Variants in IQSEC1 observed in about 807,000 individuals in gnomAD.
The protein encoded by IQSEC1 is IQ motif and Sec7 domain ArfGEF 1.
Under a neutral mutation model 91.0 loss-of-function variants are expected in IQSEC1, and 31 were observed. That is an observed-to-expected ratio of 0.34 (90% confidence interval 0.26 to 0.46). The LOEUF is 0.46. IQSEC1 is among the 20% of genes least tolerant of loss of function. The pLI is 1.00. For missense variants in IQSEC1, 1,388 were observed against 1,575.6 expected, an observed-to-expected ratio of 0.88 and a Z score of 2.02; for synonymous variants, 699 against 662.6, an observed-to-expected ratio of 1.05 and a Z score of -0.84.
rs775874846 is a variant in IQSEC1, at chr3:12,920,357, C to T, written c.2020+73G>A. On this transcript the variant is annotated intron_variant, in intron 6 of 13. Transcript: ENST00000613206. ...ACTGGAGGTTGCCTCACGCCCCTTA[C>T]ATCTGGGGAGGGCCTGGCTGGGGCA... is the stretch of plus-strand genomic sequence containing the variant. 29 of 1,521,800 alleles carry T rather than the reference C, an allele frequency of 1.9e-5. No homozygotes were observed. In the Middle Eastern group the frequency reaches 1.2e-3, roughly 63 times the overall value. The allele number at this position is 1,521,800 out of a possible 1,614,324, so 94.3% of individuals were successfully genotyped here.
chr3:12,931,141 G>A (rs1181642665), intron 3 of IQSEC1, among the ~76,000 whole-genome samples: 2 of 152,074 alleles, frequency 1.3e-5, no homozygotes, highest in South Asian at 4.1e-4. Flanking sequence ...CCCCCTGCAG[G>A]GCTTCCCTTG....
At chr3:13,170,962 T>C (rs192962276) in intron 1 of IQSEC1, among the ~76,000 whole-genome samples, 1 of 152,170 alleles carries the variant, frequency 6.6e-6, no homozygotes, top group African/African-American at 2.4e-5. Context: ...TAGCCGGGCA[T>C]GATGGTGAGT....
In IQSEC1 at chr3:12,897,972, A is replaced by G. The variant is rs903459064; in HGVS notation, c.*3011T>C. 3 of 152,264 alleles carry G rather than the reference A, an allele frequency of 2.0e-5. No homozygotes were observed. The highest frequency in any genetic ancestry group is 7.2e-5 in the African/African-American group (3 of 41,474). 9.4% of individuals were successfully genotyped at this position (152,264 alleles called of 1,614,324 possible). Reference sequence around the variant, plus strand: ...TACATGATTTGATTGTTGTCCCAGAAAAGACTTTTGTCACATTGCCAGCTG... The same window carrying G: ...TACATGATTTGATTGTTGTCCCAGAGAAGACTTTTGTCACATTGCCAGCTG... On this transcript the variant is annotated 3_prime_UTR_variant, in exon 14 of 14. Coordinates refer to ENST00000613206, the MANE Select transcript of IQSEC1 (RefSeq NM_001134382.3).
chr3:13,130,013 T>C (rs1022632874), intron 2 of IQSEC1, among the ~76,000 whole-genome samples: 55 of 151,884 alleles, frequency 3.6e-4, no homozygotes, highest in African/African-American at 1.2e-3. Flanking sequence ...TTCAGAAGAC[T>C]TTCTTTTGAT....
chr3:13,045,172 G>C (rs1257135751), intron 1 of IQSEC1, among the ~76,000 whole-genome samples: 1 of 152,192 alleles, frequency 6.6e-6, no homozygotes, highest in Non-Finnish European at 1.5e-5. Flanking sequence ...CAGACTGTTG[G>C]GATGCTCCTC....
chr3:13,172,133 T>C (rs1693628309), intron 1 of IQSEC1, among the ~76,000 whole-genome samples: 1 of 152,220 alleles, frequency 6.6e-6, no homozygotes, highest in Non-Finnish European at 1.5e-5. Flanking sequence ...TTAGCTTTCC[T>C]GTCCAAATAG....
At chr3:13,073,555 G>T (rs1000828361), upstream of IQSEC1, among the ~76,000 whole-genome samples, 8 of 151,586 alleles carry the variant, frequency 5.3e-5, no homozygotes, top group African/African-American at 2.0e-4. Context: ...AGGCGCGGCC[G>T]CTCGGCTGCG....
chr3:13,241,279 G>C (rs941931019), intron 1 of IQSEC1, among the ~76,000 whole-genome samples: 1 of 152,208 alleles, frequency 6.6e-6, no homozygotes, highest in Non-Finnish European at 1.5e-5. Flanking sequence ...ACACAAGCAG[G>C]CGAAAGCAGC....
chr3:12,907,956 G>A (rs369949848), intron 12 of IQSEC1, among the ~76,000 whole-genome samples: 3 of 152,136 alleles, frequency 2.0e-5, no homozygotes, highest in Non-Finnish European at 4.4e-5. Context: ...AGAGGGTTCC[G>A]CGCAAGTTCA....
rs753199634 is a variant in IQSEC1 at position 13,227,375 on chromosome 3, C to CAA, written c.272+55334_272+55335dup. On this transcript the variant is annotated intron_variant, in intron 1 of 15. Transcript: ENST00000648114. Reference sequence around the variant, plus strand: ...TGGGCGACAAAGCGGGACTCTGTCTCAAAAAAAAAAAAAAAAAAAAAGAAA... The same window carrying CAA: ...TGGGCGACAAAGCGGGACTCTGTCTCAAAAAAAAAAAAAAAAAAAAAAAGAAA... Among the ~76,000 whole-genome samples the CAA allele has an allele frequency of 9.7e-3, 680 of 69,794 alleles. 22 individuals are homozygous for CAA. The highest frequency in any genetic ancestry group is 0.018 in the African/African-American group (275 of 15,554). The allele number at this position is 69,794 out of a possible 152,430, so 45.8% of individuals were successfully genotyped here.
At chr3:13,124,455 G>C (rs1706477764) in intron 2 of IQSEC1, among the ~76,000 whole-genome samples, 1 of 152,188 alleles carries the variant, frequency 6.6e-6, no homozygotes, top group Non-Finnish European at 1.5e-5. Context: ...GCTCTGCAAG[G>C]CGGTCCATGG....
intron 1 of IQSEC1, among the ~76,000 whole-genome samples, chr3:13,208,325 G>A (rs1694381619): frequency 6.6e-6 from 1 of 151,902 alleles, no homozygotes. Flanking sequence ...GGCACACAGG[G>A]CCCTTCCGGA....
intron 1 of IQSEC1, among the ~76,000 whole-genome samples, chr3:13,218,148 G>C (rs529412772): frequency 2.4e-4 from 37 of 152,332 alleles, no homozygotes; most frequent in Admixed American, 2.3e-3. Context: ...TGTGTCGGGG[G>C]TGGGAGCAGG....
intron 2 of IQSEC1, among the ~76,000 whole-genome samples, chr3:13,131,191 T>C (rs569097570): frequency 2.4e-4 from 37 of 152,318 alleles, no homozygotes; most frequent in Middle Eastern, 6.8e-3. Flanking sequence ...TTTATTTTTA[T>C]AAATTGACCC....
rs1053514722 is a variant in IQSEC1, at chr3:13,085,748, C to G, written c.303-38226G>C. 3.3e-5 allele frequency among the ~76,000 whole-genome samples: 5 copies of G among 152,236 alleles called. No homozygotes were observed. The South Asian group carries it at 8.3e-4, about 25-fold the overall frequency. ...CCATTTCACAGACGGACAGGAGGCC[C>G]GAGGCCACGTCTTGGACTTCCGTCT... On this transcript the variant is annotated intron_variant, in intron 2 of 15. Transcript: ENST00000648114.
At chr3:12,926,874 G>C (rs1697190408) in intron 3 of IQSEC1, among the ~76,000 whole-genome samples, 1 of 152,224 alleles carries the variant, frequency 6.6e-6, no homozygotes, top group Non-Finnish European at 1.5e-5. Context: ...CTTGTCCCCA[G>C]GAGTGTGGCA....
chr3:13,040,845 C>T (rs994261000), intron 1 of IQSEC1, among the ~76,000 whole-genome samples: 4 of 152,210 alleles, frequency 2.6e-5, no homozygotes, highest in African/African-American at 9.6e-5. Context: ...GAAGCCCCCG[C>T]ACCCAGCCCT....
chr3:13,072,708 C>G (rs1299705146), intron 1 of IQSEC1, among the ~76,000 whole-genome samples: 1 of 152,234 alleles, frequency 6.6e-6, no homozygotes, highest in Non-Finnish European at 1.5e-5. Context: ...GTCTGGGCAC[C>G]CTGAATGTGG....
intron 1 of IQSEC1, among the ~76,000 whole-genome samples, chr3:13,186,173 T>C (rs1047995125): frequency 6.6e-6 from 1 of 152,304 alleles, no homozygotes; most frequent in Middle Eastern, 3.4e-3. Context: ...CATAGGTAAT[T>C]GAGGATCCTC....
Sources: allele counts gnomAD v4.1 joint callset (sites outside exome capture counted in the v4.1 genomes callset), GRCh38; gene constraint gnomAD v4.1.1; transcripts MANE v1.5; gene names NCBI Gene and HGNC (gene_info 2026-07-23, HGNC 2026-07-21).